The following THEMIS variants were observed in gnomAD, a reference collection of about 807,000 sequenced individuals.
THEMIS encodes thymocyte selection associated.
In THEMIS, 37 loss-of-function variants were observed where a neutral mutation model predicts 52.6. That is an observed-to-expected ratio of 0.70 (90% CI 0.54 to 0.93). The LOEUF (loss-of-function observed/expected upper bound fraction) is 0.93, where lower values mean the gene tolerates loss of function less well. Ranked by LOEUF, THEMIS falls within the 40% of genes least tolerant of loss-of-function variation. The probability of loss-of-function intolerance (pLI) is 0.00; values close to 1 mark genes in which losing one functional copy is unlikely to be tolerated. For missense variants in THEMIS, 808 were observed against 763.1 expected (o/e 1.06, Z -0.69); for synonymous variants, 292 against 272.7 (o/e 1.07, Z -0.70).
chr6:127,723,017 A>C (rs1182854630), intron 4 of THEMIS, among the ~76,000 whole-genome samples: 1 of 151,700 alleles, frequency 6.6e-6, no homozygotes, highest in Non-Finnish European at 1.5e-5. Context: ...AAATGTTTCC[A>C]CCTCCAATAT....
intron 2 of THEMIS, among the ~76,000 whole-genome samples, chr6:127,835,221 G>A (rs1487443721): frequency 1.3e-5 from 2 of 152,200 alleles, no homozygotes; most frequent in South Asian, 4.1e-4. Context: ...CCTAGCCCTA[G>A]GTGATTTTAG....
At chr6:127,790,685 C>T (rs893280940) in intron 4 of THEMIS, among the ~76,000 whole-genome samples, 12 of 152,180 alleles carry the variant, frequency 7.9e-5, no homozygotes, top group African/African-American at 2.9e-4. Flanking sequence ...GCCCACTCGG[C>T]CTGGCAGCCT....
intron 4 of THEMIS, among the ~76,000 whole-genome samples, chr6:127,760,196 A>G (rs759809746): frequency 4.5e-4 from 68 of 151,754 alleles, no homozygotes; most frequent in Admixed American, 2.1e-3. Context: ...TTGACCATAT[A>G]TGTGTAGATT....
intron 4 of THEMIS, among the ~76,000 whole-genome samples, chr6:127,761,969 T>C (rs992298483): frequency 5.3e-5 from 8 of 152,142 alleles, no homozygotes; most frequent in African/African-American, 1.7e-4. Context: ...TCGTTGCAGT[T>C]GTATTCACAA....
rs1323273374 is a variant in THEMIS, at chr6:127,708,552, G to A, written c.*1433C>T. On this transcript the variant is annotated 3_prime_UTR_variant, in exon 6 of 6. Transcript: ENST00000368248. ...TGTCAAGGCTGTTAGGTTAAGATTCGCTGTGGCCTTCAATAACCAAATGTG... is the reference window on the plus strand; with the variant it reads ...TGTCAAGGCTGTTAGGTTAAGATTCACTGTGGCCTTCAATAACCAAATGTG... 2 of 152,108 alleles carry A rather than the reference G, an allele frequency of 1.3e-5. No homozygotes were observed. Among genetic ancestry groups the A allele is most frequent in the African/African-American group, 4.8e-5 (2 of 41,528 alleles). 9.4% of individuals were successfully genotyped at this position (152,108 alleles called of 1,614,324 possible). A position where few individuals can be genotyped will look rare whatever the true frequency, so the allele number is the denominator to read the frequency against.
At chr6:127,733,205 A>G (rs1196817130) in intron 4 of THEMIS, among the ~76,000 whole-genome samples, 1 of 152,098 alleles carries the variant, frequency 6.6e-6, no homozygotes, top group Admixed American at 6.5e-5. Flanking sequence ...GTATTTTTGT[A>G]TTGACTGATA....
intron 5 of THEMIS, among the ~76,000 whole-genome samples, chr6:127,713,463 C>G (rs558339414): frequency 6.6e-6 from 1 of 151,920 alleles, no homozygotes; most frequent in East Asian, 1.9e-4. Flanking sequence ...TTTCCTATAA[C>G]CTAAGGATAG....
At chr6:127,811,829 C>A (rs550726873) in intron 4 of THEMIS, among the ~76,000 whole-genome samples, 7 of 152,304 alleles carry the variant, frequency 4.6e-5, no homozygotes, top group African/African-American at 1.7e-4. Flanking sequence ...TATCAAATGA[C>A]TCTTTCAAAA....
chr6:127,778,800 A>G (rs2114472241), intron 4 of THEMIS, among the ~76,000 whole-genome samples: 2 of 150,766 alleles, frequency 1.3e-5, no homozygotes, highest in South Asian at 4.2e-4. Context: ...AGTGTTTATT[A>G]AAGTCTAGTC....
chr6:127,712,068 C>T (rs531761568), intron 5 of THEMIS, among the ~76,000 whole-genome samples: 1 of 152,052 alleles, frequency 6.6e-6, no homozygotes, highest in Non-Finnish European at 1.5e-5. Flanking sequence ...CCATTGCCAT[C>T]TCAGAGTCAC....
intron 2 of THEMIS, among the ~76,000 whole-genome samples, chr6:127,843,117 T>C (rs907003105): frequency 6.6e-6 from 1 of 152,058 alleles, no homozygotes; most frequent in African/African-American, 2.4e-5. Context: ...TTCTATTTAG[T>C]GAATTTAGTA....
At chr6:127,793,976 C>T (rs575765850) in intron 4 of THEMIS, among the ~76,000 whole-genome samples, 67 of 152,130 alleles carry the variant, frequency 4.4e-4, no homozygotes, top group African/African-American at 1.6e-3. Context: ...AACATTTTCC[C>T]CCAAAAAAGC....
chr6:127,896,058 A>C (rs1006983595), intron 1 of THEMIS, among the ~76,000 whole-genome samples: 1 of 151,516 alleles, frequency 6.6e-6, no homozygotes, highest in Non-Finnish European at 1.5e-5. Context: ...TGTAAAAAAA[A>C]CTATGTAATT....
intron 4 of THEMIS, among the ~76,000 whole-genome samples, chr6:127,747,106 A>G (rs1368554808): frequency 7.7e-6 from 1 of 130,610 alleles, no homozygotes; most frequent in Non-Finnish European, 1.6e-5. Context: ...ATATAATTAT[A>G]TATAGATATC....
downstream of THEMIS, among the ~76,000 whole-genome samples, chr6:127,704,092 T>C (rs1027960374): frequency 5.3e-5 from 8 of 152,194 alleles, no homozygotes; most frequent in Non-Finnish European, 1.0e-4. Flanking sequence ...AAGGCCCGTC[T>C]TTTAATATTA....
At chr6:127,862,044 G>T (rs1160948975) in intron 1 of THEMIS, among the ~76,000 whole-genome samples, 2 of 152,034 alleles carry the variant, frequency 1.3e-5, no homozygotes, top group Non-Finnish European at 2.9e-5. Flanking sequence ...CTTCCAGAAG[G>T]AATTAAGTGC....
intron 1 of THEMIS, among the ~76,000 whole-genome samples, chr6:127,907,047 G>A (rs1216218683): frequency 6.6e-6 from 1 of 151,666 alleles, no homozygotes; most frequent in Non-Finnish European, 1.5e-5. Flanking sequence ...ATTTCTTTGA[G>A]TAAAGAATAA....
rs1321040009 is a variant in THEMIS, at chr6:127,709,984, G to A, written c.*1C>T. On this transcript the variant is annotated 3_prime_UTR_variant, in exon 6 of 6. Transcript: ENST00000368248. ...GCCTAAGTGGCTTCTGTCACATCTT[G>A]TTATTTTTGATGTTTTTCATTTTTG... 3.1e-6 allele frequency: 5 copies of A among 1,587,454 alleles called. No homozygotes were observed. The Admixed American group carries it at 7.2e-5, about 23-fold the overall frequency.
At chr6:127,707,861 C>T (rs950259593), downstream of THEMIS, among the ~76,000 whole-genome samples, 1 of 152,094 alleles carries the variant, frequency 6.6e-6, no homozygotes, top group Non-Finnish European at 1.5e-5. Context: ...ATCACATTTT[C>T]CTCTTTCCAT....
Sources: allele counts gnomAD v4.1 joint callset (sites outside exome capture counted in the v4.1 genomes callset), GRCh38; gene constraint gnomAD v4.1.1; transcripts MANE v1.5; gene names NCBI Gene and HGNC (gene_info 2026-07-23, HGNC 2026-07-21).